Variants in TAB2 observed in about 807,000 individuals in gnomAD.
TAB2 encodes the protein TGF-beta activated kinase 1 (MAP3K7) binding protein 2.
A neutral mutation model predicts 65.0 loss-of-function variants in TAB2; 3 were observed. The observed-to-expected ratio is 0.05, with a 90% CI of 0.02 to 0.12. The LOEUF (loss-of-function observed/expected upper bound fraction) is 0.12. TAB2 is among the 10% of genes least tolerant of loss of function. TAB2 has a pLI of 1.00. For missense variants in TAB2, 623 were observed against 840.3 expected (o/e 0.74, Z 3.20); for synonymous variants, 298 against 285.1 (o/e 1.05, Z -0.46).
rs750198511 is a variant in TAB2 at position 149,379,460 on chromosome 6, T to C, written c.1545T>C (p.Asp515=). 6.2e-7 allele frequency: 1 copy of C among 1,614,046 alleles called. No individual in the cohort carries two copies. The highest frequency in any genetic ancestry group is 8.5e-7 in the Non-Finnish European group (1 of 1,179,988). The stretch of plus-strand genomic sequence containing the variant: ...CGGACCCTACATTAGCACATGTGGA[T>C]AGAATAAGTGAAACACGGAAACTGA... ...HLTDPTLAHV[D]RISETRKLSM... Residue 515 remains aspartate, a synonymous_variant, in exon 3 of 7, where the codon GAT becomes GAC. Coordinates refer to ENST00000637181, the MANE Select transcript of TAB2 (RefSeq NM_001292034.3).
intron 1 of TAB2, among the ~76,000 whole-genome samples, chr6:149,369,482 A>G (rs1400670559): frequency 6.6e-6 from 1 of 152,230 alleles, no homozygotes; most frequent in Non-Finnish European, 1.5e-5. Flanking sequence ...TGGGTTTTGA[A>G]TCATTAAGTT....
intron 1 of TAB2, among the ~76,000 whole-genome samples, chr6:149,297,149 G>A (rs1401014872): frequency 6.6e-6 from 1 of 151,236 alleles, no homozygotes; most frequent in Non-Finnish European, 1.5e-5. Context: ...TCCATTTGAT[G>A]GTTAGACACG....
At chr6:149,307,492 AT>A (rs1779091377) in intron 1 of TAB2, among the ~76,000 whole-genome samples, 1 of 152,042 alleles carries the variant, frequency 6.6e-6, no homozygotes, top group African/African-American at 2.4e-5. Flanking sequence ...TGCTGCTCAG[AT>A]TTTTTTGTCT....
intron 1 of TAB2, among the ~76,000 whole-genome samples, chr6:149,291,034 C>T (rs1202695237): frequency 2.0e-5 from 3 of 152,178 alleles, no homozygotes; most frequent in African/African-American, 7.2e-5. Flanking sequence ...CAGTTTATCA[C>T]AAACTACAAA....
At chr6:149,292,361 C>T (rs1583068543) in intron 1 of TAB2, among the ~76,000 whole-genome samples, 1 of 152,006 alleles carries the variant, frequency 6.6e-6, no homozygotes, top group Non-Finnish European at 1.5e-5. Flanking sequence ...CTAAACAAGT[C>T]AAGATAAAAA....
chr6:149,300,212 A>T (rs1220866593), intron 1 of TAB2, among the ~76,000 whole-genome samples: 1 of 152,194 alleles, frequency 6.6e-6, no homozygotes, highest in East Asian at 1.9e-4. Context: ...ATCCTAAAAT[A>T]TCTATACATT....
chr6:149,280,657 G>A (rs950473091), intron 1 of TAB2, among the ~76,000 whole-genome samples: 1 of 152,118 alleles, frequency 6.6e-6, no homozygotes, highest in African/African-American at 2.4e-5. Context: ...TCAAGACTCA[G>A]ACATAAGGCA....
Position 149,369,964 on chromosome 6 carries a change from A to G in TAB2, c.-34A>G, listed in dbSNP as rs370436252. The G allele has an allele frequency of 1.1e-5, 17 of 1,549,984 alleles. No individual in the cohort carries two copies. Among genetic ancestry groups the G allele is most frequent in the Non-Finnish European group, 1.2e-5 (14 of 1,121,756 alleles). On this transcript the variant is annotated 5_prime_UTR_variant, in exon 2 of 7. Transcript: ENST00000637181. Reference sequence around the variant, plus strand: ...TTTCCACTAAGGCCTAGAATTGCCTACTGTACAAATAGTCCTGATCAGGCA... The same window carrying G: ...TTTCCACTAAGGCCTAGAATTGCCTGCTGTACAAATAGTCCTGATCAGGCA...
chr6:149,327,698 T>C (rs1450146731), intron 1 of TAB2, among the ~76,000 whole-genome samples: 1 of 152,194 alleles, frequency 6.6e-6, no homozygotes, highest in African/African-American at 2.4e-5. Context: ...GTTTACCCCA[T>C]GATTAGCATG....
chr6:149,400,703 C>T (rs761269520), intron 6 of TAB2: 4 of 1,606,554 alleles, frequency 2.5e-6, no homozygotes, highest in Non-Finnish European at 3.4e-6. Context: ...TTCTTTACTC[C>T]AGAACGCTGT....
intron 1 of TAB2, among the ~76,000 whole-genome samples, chr6:149,281,352 T>C (rs1356012891): frequency 1.3e-5 from 2 of 151,956 alleles, no homozygotes; most frequent in Non-Finnish European, 2.9e-5. Context: ...CAATAAACTC[T>C]AAAGCAACCA....
intron 1 of TAB2, among the ~76,000 whole-genome samples, chr6:149,312,357 AT>A (rs751031198): frequency 6.6e-5 from 10 of 151,186 alleles, no homozygotes; most frequent in African/African-American, 2.2e-4. Flanking sequence ...CTTTTTTTTA[AT>A]TTTTTTGTAT....
chr6:149,350,088 C>T (rs1053221226), intron 1 of TAB2, among the ~76,000 whole-genome samples: 1 of 151,974 alleles, frequency 6.6e-6, no homozygotes, highest in Non-Finnish European at 1.5e-5. Context: ...CCTGCCACCA[C>T]GCCTGGCTAA....
rs35409891 is a variant in TAB2, at chr6:149,265,192, CTT to C, written c.-121+46431_-121+46432del. 1.5e-3 allele frequency among the ~76,000 whole-genome samples: 210 copies of C among 139,576 alleles called. 1 individual carries two copies. The highest frequency in any genetic ancestry group is 7.4e-3 in the Middle Eastern group (2 of 270). The allele number at this position is 139,576 out of a possible 152,430, so 91.6% of individuals were successfully genotyped here. On this transcript the variant is annotated intron_variant, in intron 1 of 1. Coordinates refer to the TAB2 transcript ENST00000606202. Reference sequence around the variant, plus strand: ...TTTTAAATGACAAGAGTTCAGAACCCTTTTTTTTTTTTTTTTAAAGCACAGCA... The same window carrying C: ...TTTTAAATGACAAGAGTTCAGAACCCTTTTTTTTTTTTTTAAAGCACAGCA...
intron 6 of TAB2, among the ~76,000 whole-genome samples, chr6:149,399,926 G>T (rs1486760361): frequency 6.6e-6 from 1 of 152,212 alleles, no homozygotes; most frequent in Non-Finnish European, 1.5e-5. Context: ...TAAAGATGCA[G>T]TAGTATTTTT....
intron 1 of TAB2, among the ~76,000 whole-genome samples, chr6:149,342,285 C>T (rs1481251718): frequency 3.3e-5 from 5 of 152,066 alleles, no homozygotes; most frequent in Admixed American, 6.6e-5. Flanking sequence ...ATTGGAAATA[C>T]GATAGTGAAA....
chr6:149,403,263 T>TACAC (rs1447839341), intron 6 of TAB2, among the ~76,000 whole-genome samples: 517 of 43,524 alleles, frequency 0.012, 14 homozygotes, highest in African/African-American at 0.067. Context: ...TATATATATA[T>TACAC]ATATATATAT....
At chr6:149,226,289 A>G (rs1036579013) in intron 1 of TAB2, among the ~76,000 whole-genome samples, 8 of 152,196 alleles carry the variant, frequency 5.3e-5, no homozygotes, top group African/African-American at 1.9e-4. Flanking sequence ...GAGTGAATCA[A>G]AACTTAACGG....
intron 1 of TAB2, among the ~76,000 whole-genome samples, chr6:149,234,729 C>T (rs2114635982): frequency 6.6e-6 from 1 of 152,188 alleles, no homozygotes; most frequent in Admixed American, 6.5e-5. Context: ...GAATTGATTT[C>T]AACCTGGAGG....
Sources: allele counts gnomAD v4.1 joint callset (sites outside exome capture counted in the v4.1 genomes callset), GRCh38; gene constraint gnomAD v4.1.1; transcripts MANE v1.5; gene names NCBI Gene and HGNC (gene_info 2026-07-23, HGNC 2026-07-21).